Variants in SLC23A2 observed in about 807,000 individuals in gnomAD.
SLC23A2 encodes the protein solute carrier family 23 member 2, also known as Na(+)/L-ascorbic acid transporter 2.
Under a neutral mutation model 73.3 loss-of-function variants are expected in SLC23A2, and 36 were observed. The ratio of observed to expected loss-of-function variants is 0.49; its 90% confidence interval spans 0.38 to 0.65. The LOEUF (loss-of-function observed/expected upper bound fraction) is 0.65. Among genes scored for constraint, SLC23A2 ranks in the 30% least tolerant of loss-of-function variants. The pLI is 0.00. For missense variants in SLC23A2, 507 were observed against 841.6 expected, an observed-to-expected ratio of 0.60 and a Z score of 4.92; for synonymous variants, 343 against 327.3, an observed-to-expected ratio of 1.05 and a Z score of -0.52.
intron 2 of SLC23A2, among the ~76,000 whole-genome samples, chr20:4,937,157 TC>T (rs1354922612): frequency 6.6e-6 from 1 of 152,082 alleles, no homozygotes; most frequent in African/African-American, 2.4e-5. Context: ...AGAGGGTTTA[TC>T]CACACAGGAT....
chr20:4,962,146 TA>T (rs11407994), intron 2 of SLC23A2, among the ~76,000 whole-genome samples: 4 of 149,896 alleles, frequency 2.7e-5, no homozygotes, highest in South Asian at 2.1e-4. Context: ...GATATTATTT[TA>T]AAAAAAAAAA....
chr20:4,889,212 A>C (rs983928695), intron 6 of SLC23A2, among the ~76,000 whole-genome samples: 1 of 152,114 alleles, frequency 6.6e-6, no homozygotes, highest in African/African-American at 2.4e-5. Flanking sequence ...GTCTTAAAGA[A>C]CGAGAAGTGC....
rs1280429661 is a variant in SLC23A2 at position 4,855,631 on chromosome 20, C to T, written c.*1341G>A. On this transcript the variant is annotated 3_prime_UTR_variant, in exon 17 of 17. Coordinates refer to ENST00000338244, the MANE Select transcript of SLC23A2 (RefSeq NM_005116.6). ...TCTAACGGACGTGCGACATGGCAAC[C>T]CACAGGAAGTCTCCTTAAGCCAAGA... is the stretch of plus-strand genomic sequence containing the variant. 2 of 152,614 alleles carry T rather than the reference C, an allele frequency of 1.3e-5. No individual in the cohort carries two copies. Among genetic ancestry groups the T allele is most frequent in the African/African-American group, 2.4e-5 (1 of 41,444 alleles). The allele number at this position is 152,614 out of a possible 1,614,324, so 9.5% of individuals were successfully genotyped here. A position where few individuals can be genotyped will look rare whatever the true frequency, so the allele number is the denominator to read the frequency against.
At chr20:4,873,178 T>C (rs1043047635) in intron 11 of SLC23A2, among the ~76,000 whole-genome samples, 3 of 152,238 alleles carry the variant, frequency 2.0e-5, no homozygotes, top group Admixed American at 6.5e-5. Flanking sequence ...TTGGCTTCTC[T>C]CTTTTTCTCC....
chr20:4,946,890 T>C (rs2087126658), intron 2 of SLC23A2, among the ~76,000 whole-genome samples: 1 of 152,226 alleles, frequency 6.6e-6, no homozygotes, highest in Non-Finnish European at 1.5e-5. Context: ...TTTCTTTTTC[T>C]AACCTAATGC....
In SLC23A2 at chr20:4,883,519, G is replaced by A; in HGVS notation, c.824+123C>T. The A allele has an allele frequency of 1.3e-6, 1 of 749,858 alleles. No homozygotes were observed. Among genetic ancestry groups the A allele is most frequent in the Non-Finnish European group, 2.2e-6 (1 of 465,030 alleles). The allele number at this position is 749,858 out of a possible 1,614,324, so 46.5% of individuals were successfully genotyped here. ...CCCTTCAACTATTCCCCAGCACGAA[G>A]CAAATAAAGTTGAAACTGTCAGACC... On this transcript the variant is annotated intron_variant, in intron 9 of 16. Coordinates refer to ENST00000338244, the MANE Select transcript of SLC23A2 (RefSeq NM_005116.6). This position sits in a 1 kb window ranked among gnomAD's most constrained non-coding sequence, Gnocchi z 4.5.
chr20:4,923,242 A>AAGGGAGGGAGGC (rs1932558406), intron 3 of SLC23A2, among the ~76,000 whole-genome samples: 1 of 128,450 alleles, frequency 7.8e-6, no homozygotes, highest in African/African-American at 3.0e-5. Flanking sequence ...CCCCATCTTG[A>AAGGGAGGGAGGC]AGGGAGGGAG....
At chr20:4,935,686 C>T (rs2086952185) in intron 2 of SLC23A2, among the ~76,000 whole-genome samples, 1 of 151,974 alleles carries the variant, frequency 6.6e-6, no homozygotes, top group Admixed American at 6.6e-5. Flanking sequence ...GTAGTCCCAG[C>T]TACTGGGGAG....
At chr20:4,986,689 C>CAGAGAG (rs5840061) in intron 1 of SLC23A2, among the ~76,000 whole-genome samples, 1 of 129,890 alleles carries the variant, frequency 7.7e-6, no homozygotes, top group East Asian at 2.4e-4. Flanking sequence ...CACACACACA[C>CAGAGAG]AGAGATGAAT....
intron 1 of SLC23A2, among the ~76,000 whole-genome samples, chr20:4,993,080 C>T (rs748465112): frequency 3.3e-5 from 5 of 151,618 alleles, no homozygotes; most frequent in Non-Finnish European, 5.9e-5. Flanking sequence ...AGATCGAGCC[C>T]ATCCTGGCCA....
At chr20:4,962,188 T>C (rs1225591391) in intron 2 of SLC23A2, among the ~76,000 whole-genome samples, 1 of 151,574 alleles carries the variant, frequency 6.6e-6, no homozygotes, top group Admixed American at 6.6e-5. Flanking sequence ...GAACTCATAA[T>C]ATGAAATAGA....
intron 11 of SLC23A2, among the ~76,000 whole-genome samples, chr20:4,870,878 G>C (rs1268757802): frequency 1.3e-5 from 2 of 152,182 alleles, no homozygotes; most frequent in African/African-American, 4.8e-5. Flanking sequence ...TATAATACCA[G>C]AACCTTATTT....
intron 9 of SLC23A2, among the ~76,000 whole-genome samples, chr20:4,882,528 G>A (rs1930930413): frequency 1.3e-5 from 2 of 151,928 alleles, no homozygotes; most frequent in African/African-American, 4.8e-5. Flanking sequence ...ATTCTGCTAT[G>A]GTTCCCTTTT....
At chr20:4,923,009 T>C (rs1932548262) in intron 3 of SLC23A2, among the ~76,000 whole-genome samples, 1 of 152,166 alleles carries the variant, frequency 6.6e-6, no homozygotes, top group South Asian at 2.1e-4. Flanking sequence ...ACATCTCTCA[T>C]TTCATTTAAA....
intron 4 of SLC23A2, among the ~76,000 whole-genome samples, chr20:4,903,212 T>A (rs1931817603): frequency 6.6e-6 from 1 of 152,100 alleles, no homozygotes; most frequent in Non-Finnish European, 1.5e-5. Context: ...GTAAAAAAAA[T>A]ATTTTAAAAC....
chr20:4,973,021 TTTCAG>T (rs2087589037), intron 1 of SLC23A2, among the ~76,000 whole-genome samples: 1 of 152,248 alleles, frequency 6.6e-6, no homozygotes, highest in Non-Finnish European at 1.5e-5. Flanking sequence ...AATGGCTTAC[TTTCAG>T]TTAAGTTATA....
intron 6 of SLC23A2, among the ~76,000 whole-genome samples, chr20:4,893,542 A>C (rs999643757): frequency 4.9e-4 from 74 of 152,296 alleles, no homozygotes; most frequent in African/African-American, 1.7e-3. Flanking sequence ...AAGACCTTCA[A>C]GTCTCCTGGA....
chr20:4,921,935 T>C (rs1415995871), intron 3 of SLC23A2, among the ~76,000 whole-genome samples: 1 of 152,160 alleles, frequency 6.6e-6, no homozygotes, highest in Non-Finnish European at 1.5e-5. Flanking sequence ...AAAACATCCA[T>C]TTTAAGGGCA....
At chr20:4,920,618 A>AT (rs1375973637) in intron 3 of SLC23A2, among the ~76,000 whole-genome samples, 2 of 152,246 alleles carry the variant, frequency 1.3e-5, no homozygotes. Context: ...TGCAGTTATA[A>AT]AAAACAATGA....
Sources: allele counts gnomAD v4.1 joint callset (sites outside exome capture counted in the v4.1 genomes callset), GRCh38; gene constraint gnomAD v4.1.1; non-coding constraint Gnocchi (gnomAD v3.1); transcripts MANE v1.5; gene names NCBI Gene and HGNC (gene_info 2026-07-23, HGNC 2026-07-21).